MCU: variants seen among roughly 807,000 people sequenced by gnomAD.
MCU encodes mitochondrial calcium uniporter, also known as calcium uniporter protein, mitochondrial.
A neutral mutation model predicts 45.2 loss-of-function variants in MCU; 12 were observed. That is an observed-to-expected ratio of 0.27 (90% CI 0.17 to 0.43). MCU has a LOEUF of 0.43. MCU is among the 20% of genes least tolerant of loss of function. The probability of loss-of-function intolerance (pLI) is 1.00; values close to 1 mark genes in which losing one functional copy is unlikely to be tolerated. For missense variants in MCU, 324 were observed against 436.7 expected (o/e 0.74, Z 2.30); for synonymous variants, 160 against 165.1 (o/e 0.97, Z 0.24).
intron 1 of MCU, chr10:72,715,812 TA>T: frequency 1.0e-6 from 1 of 959,728 alleles, no homozygotes; most frequent in Non-Finnish European, 1.2e-6. Flanking sequence ...CTGTATGTCA[TA>T]ACAACCATGT....
chr10:72,699,338 C>T (rs888469741), intron 1 of MCU, among the ~76,000 whole-genome samples: 1 of 151,946 alleles, frequency 6.6e-6, no homozygotes, highest in Non-Finnish European at 1.5e-5. Flanking sequence ...AACCCCGTCT[C>T]TACTAAAAAT....
At chr10:72,761,258 T>A (rs1589448512) in intron 1 of MCU, among the ~76,000 whole-genome samples, 1 of 152,208 alleles carries the variant, frequency 6.6e-6, no homozygotes, top group East Asian at 1.9e-4. Context: ...CAGAAAATGT[T>A]GAACAAAAGG....
At chr10:72,767,294 G>T (rs1423112930) in intron 1 of MCU, among the ~76,000 whole-genome samples, 1 of 152,042 alleles carries the variant, frequency 6.6e-6, no homozygotes, top group Non-Finnish European at 1.5e-5. Context: ...CCTAGGAAAG[G>T]TCTTAGCTGC....
intron 1 of MCU, among the ~76,000 whole-genome samples, chr10:72,773,032 G>A (rs1843835923): frequency 1.3e-5 from 2 of 152,072 alleles, no homozygotes; most frequent in Admixed American, 6.6e-5. Context: ...CTTAGTAGGC[G>A]GGACTACAGG....
intron 1 of MCU, among the ~76,000 whole-genome samples, chr10:72,764,362 T>C (rs1843697180): frequency 6.6e-6 from 1 of 152,216 alleles, no homozygotes; most frequent in Admixed American, 6.5e-5. Context: ...ACATAGTTAC[T>C]GGTTGGGAGT....
At chr10:72,843,176 C>T (rs963693134) in intron 2 of MCU, among the ~76,000 whole-genome samples, 5 of 152,128 alleles carry the variant, frequency 3.3e-5, no homozygotes, top group Non-Finnish European at 1.5e-5. Context: ...CCATAATTTT[C>T]GTTAGGGTTT....
intron 1 of MCU, among the ~76,000 whole-genome samples, chr10:72,825,013 A>G (rs1844775214): frequency 1.3e-5 from 2 of 152,208 alleles, no homozygotes; most frequent in African/African-American, 4.8e-5. Context: ...GTCAAAATAC[A>G]GTAGCAACAT....
intron 1 of MCU, among the ~76,000 whole-genome samples, chr10:72,803,504 A>G (rs915770739): frequency 6.6e-5 from 10 of 152,076 alleles, no homozygotes; most frequent in African/African-American, 2.4e-4. Flanking sequence ...CAAGCTGTAA[A>G]GTCTGAGAAA....
chr10:72,887,676 T>TA lies in MCU; in HGVS notation c.*1855dup, dbSNP rs1358711447. Reference sequence around the variant, plus strand: ...GCAATGTACCTTCTGGAACAATAAATACTTATTCAATTTTTGAACGATAGC... The same window carrying TA: ...GCAATGTACCTTCTGGAACAATAAATAACTTATTCAATTTTTGAACGATAGC... On this transcript the variant is annotated 3_prime_UTR_variant, in exon 8 of 8. Transcript: ENST00000373053. 2.0e-5 allele frequency: 3 copies of TA among 152,712 alleles called. No individual in the cohort carries two copies. The highest frequency in any genetic ancestry group is 4.4e-5 in the Non-Finnish European group (3 of 68,020). 9.5% of individuals were successfully genotyped at this position (152,712 alleles called of 1,614,324 possible). A position where few individuals can be genotyped will look rare whatever the true frequency, so the allele number is the denominator to read the frequency against.
chr10:72,726,845 T>A (rs1484443950), intron 1 of MCU, among the ~76,000 whole-genome samples: 1 of 152,202 alleles, frequency 6.6e-6, no homozygotes, highest in East Asian at 1.9e-4. Flanking sequence ...TAGTTGTTAG[T>A]TATAGGATTT....
At chr10:72,710,679 A>G (rs1225222706) in intron 1 of MCU, among the ~76,000 whole-genome samples, 1 of 151,844 alleles carries the variant, frequency 6.6e-6, no homozygotes, top group East Asian at 1.9e-4. Flanking sequence ...GTCTATAAAA[A>G]GTAGAATAAT....
chr10:72,801,695 G>T (rs971029142), intron 1 of MCU, among the ~76,000 whole-genome samples: 1 of 139,550 alleles, frequency 7.2e-6, no homozygotes, highest in Non-Finnish European at 1.5e-5. Context: ...TTTTTAATAC[G>T]CGGTCTCATT....
chr10:72,769,208 A>G (rs1843771071), intron 1 of MCU, among the ~76,000 whole-genome samples: 2 of 152,098 alleles, frequency 1.3e-5, no homozygotes, highest in Admixed American at 1.3e-4. Flanking sequence ...TCTGAGCAAC[A>G]TGACTTTTAT....
At chr10:72,824,233 G>A (rs537012905) in intron 1 of MCU, among the ~76,000 whole-genome samples, 2 of 139,560 alleles carry the variant, frequency 1.4e-5, no homozygotes, top group Admixed American at 7.5e-5. Flanking sequence ...TTTCATTCTC[G>A]TTGCCCAGGC....
chr10:72,814,685 G>C (rs561478099), intron 1 of MCU, among the ~76,000 whole-genome samples: 1 of 152,286 alleles, frequency 6.6e-6, no homozygotes, highest in African/African-American at 2.4e-5. Context: ...ACATATAGGA[G>C]GTTGCTGAAC....
intron 1 of MCU, among the ~76,000 whole-genome samples, chr10:72,713,849 A>T (rs1478093651): frequency 6.6e-6 from 1 of 151,976 alleles, no homozygotes; most frequent in Non-Finnish European, 1.5e-5. Flanking sequence ...TTAATTTAAA[A>T]AATGTTTCTT....
chr10:72,796,024 T>A (rs1364850321), intron 1 of MCU, among the ~76,000 whole-genome samples: 2 of 151,952 alleles, frequency 1.3e-5, no homozygotes, highest in Non-Finnish European at 2.9e-5. Context: ...TGCCACTCTG[T>A]AACTGTTAGA....
At chr10:72,824,379 T>G (rs1321992017) in intron 1 of MCU, among the ~76,000 whole-genome samples, 11 of 37,742 alleles carry the variant, frequency 2.9e-4, no homozygotes, top group Non-Finnish European at 1.4e-3. Context: ...TGTATTTTTT[T>G]TTTTTTTTTT....
At chr10:72,767,605 C>T (rs1843746867) in intron 1 of MCU, among the ~76,000 whole-genome samples, 1 of 152,058 alleles carries the variant, frequency 6.6e-6, no homozygotes, top group Admixed American at 6.6e-5. Context: ...GCCTCAGCCT[C>T]CCAAAGTGCT....
Sources: gnomAD v4.1 joint callset for allele counts (sites outside exome capture counted in the v4.1 genomes callset) on GRCh38, gnomAD v4.1.1 for gene constraint, MANE v1.5 for transcripts, NCBI Gene and HGNC (gene_info 2026-07-23, HGNC 2026-07-21) for gene names.